The following CATSPERT variants were observed in gnomAD, a reference collection of about 807,000 sequenced individuals.
CATSPERT encodes the protein catsper channel auxiliary subunit tau, also known as cation channel sperm-associated targeting subunit tau.
chr2:201,540,456 G>A, the CATSPERT span, among the ~76,000 whole-genome samples: 2 of 152,304 alleles, frequency 1.3e-5, no homozygotes, highest in East Asian at 1.9e-4. Flanking sequence ...ATTTTAAATT[G>A]AAGCCAATGC....
At chr2:201,580,434 C>A in the CATSPERT span, among the ~76,000 whole-genome samples, 64 of 152,260 alleles carry the variant, frequency 4.2e-4, no homozygotes, top group East Asian at 0.011. Context: ...CAAAGAGTTG[C>A]AAAAACAATA....
the CATSPERT span, among the ~76,000 whole-genome samples, chr2:201,547,048 T>C: frequency 6.6e-6 from 1 of 152,072 alleles, no homozygotes; most frequent in African/African-American, 2.4e-5. Flanking sequence ...TATGATTCCA[T>C]TTATATGAAA....
At chr2:201,515,226 T>A in the CATSPERT span, among the ~76,000 whole-genome samples, 5 of 67,996 alleles carry the variant, frequency 7.4e-5, 2 homozygotes, top group East Asian at 1.2e-3. Context: ...TTTTTTTTTT[T>A]TTTTTTTTTT....
At chr2:201,535,120 T>G in the CATSPERT span, 4 of 979,840 alleles carry the variant, frequency 4.1e-6, no homozygotes, top group Non-Finnish European at 4.8e-6. Context: ...AACAAGAATG[T>G]TATTTGACAT....
At chr2:201,530,952 T>G in the CATSPERT span, among the ~76,000 whole-genome samples, 45 of 113,944 alleles carry the variant, frequency 3.9e-4, no homozygotes, top group Non-Finnish European at 6.6e-4. Context: ...TTTGTTTTGT[T>G]TTTTGTGGGT....
chr2:201,619,161 A>G, the CATSPERT span: 1 of 1,609,572 alleles, frequency 6.2e-7, no homozygotes, highest in Non-Finnish European at 8.5e-7. Context: ...GTCTGCGCCC[A>G]ACCGACGGCC....
the CATSPERT span, among the ~76,000 whole-genome samples, chr2:201,587,653 A>G: frequency 6.6e-6 from 1 of 152,154 alleles, no homozygotes; most frequent in African/African-American, 2.4e-5. Flanking sequence ...TGGGACGTAC[A>G]TATGTGTGAT....
the CATSPERT span, chr2:201,604,700 A>G: frequency 1.9e-6 from 3 of 1,582,970 alleles, no homozygotes; most frequent in African/African-American, 4.1e-5. Flanking sequence ...CTCAGCATCT[A>G]CAATGTAAAT....
the CATSPERT span, chr2:201,491,872 G>T: frequency 1.3e-6 from 2 of 1,536,838 alleles, no homozygotes; most frequent in Non-Finnish European, 1.7e-6. Context: ...AGAATTTTCT[G>T]CTTGAGGAAG....
chr2:201,615,539 T>C, the CATSPERT span, among the ~76,000 whole-genome samples: 132,619 of 152,208 alleles, frequency 0.87, 58,939 homozygotes, highest in South Asian at 0.98. Flanking sequence ...CCAGAATCTC[T>C]GGGACACATT....
the CATSPERT span, among the ~76,000 whole-genome samples, chr2:201,541,661 T>A: frequency 1.3e-5 from 2 of 150,816 alleles, no homozygotes; most frequent in Non-Finnish European, 2.9e-5. Flanking sequence ...AGTGGCATGA[T>A]CTCAGCTTAC....
the CATSPERT span, among the ~76,000 whole-genome samples, chr2:201,577,892 T>TTGGTGAGG: frequency 6.6e-6 from 1 of 152,194 alleles, no homozygotes; most frequent in Admixed American, 6.5e-5. Context: ...AAAAGATAAG[T>TTGGTGAGG]TGGTGAGGTG....
chr2:201,518,985 G>A, the CATSPERT span, among the ~76,000 whole-genome samples: 1 of 152,136 alleles, frequency 6.6e-6, no homozygotes, highest in African/African-American at 2.4e-5. Context: ...ATGTAATGGA[G>A]ATGATCCAGC....
At chr2:201,532,956 G>A in the CATSPERT span, among the ~76,000 whole-genome samples, 7 of 152,174 alleles carry the variant, frequency 4.6e-5, no homozygotes, top group African/African-American at 1.2e-4. Context: ...GTGACTCATA[G>A]GCCTACTCAG....
chr2:201,491,182 C>T, the CATSPERT span: 1 of 1,528,674 alleles, frequency 6.5e-7, no homozygotes, highest in Non-Finnish European at 8.7e-7. Flanking sequence ...TATAGTTCTT[C>T]TTGCAGTCCA....
chr2:201,611,141 C>A, the CATSPERT span, among the ~76,000 whole-genome samples: 1 of 152,116 alleles, frequency 6.6e-6, no homozygotes, highest in Non-Finnish European at 1.5e-5. Context: ...AAATAAAAGG[C>A]ATCCAAATTG....
the CATSPERT span, among the ~76,000 whole-genome samples, chr2:201,563,252 C>A: frequency 5.7e-5 from 8 of 141,178 alleles, no homozygotes; most frequent in Non-Finnish European, 9.4e-5. Context: ...TCCTCACTTC[C>A]CAGTAGGGGC....
chr2:201,504,604 G>C, the CATSPERT span, among the ~76,000 whole-genome samples: 33 of 152,210 alleles, frequency 2.2e-4, 2 homozygotes, highest in Admixed American at 1.9e-3. Flanking sequence ...CTCTCTCTCT[G>C]TCTGACTTTT....
the CATSPERT span, chr2:201,494,180 T>C: frequency 6.5e-7 from 1 of 1,534,036 alleles, no homozygotes; most frequent in African/African-American, 1.4e-5. Context: ...TTGTCTTCCA[T>C]ACTACTTGAT....
Sources: allele counts gnomAD v4.1 joint callset (sites outside exome capture counted in the v4.1 genomes callset), GRCh38; gene constraint gnomAD v4.1.1; transcripts MANE v1.5; gene names NCBI Gene and HGNC (gene_info 2026-07-23, HGNC 2026-07-21).